Variants in RNPEP observed in about 807,000 individuals in gnomAD.
RNPEP encodes the protein aminopeptidase B.
Under a neutral mutation model 70.1 loss-of-function variants are expected in RNPEP, and 57 were observed. The observed-to-expected ratio is 0.81, with a 90% CI of 0.66 to 1.01. RNPEP has a LOEUF of 1.01. Among genes scored for constraint, RNPEP ranks in the 50% least tolerant of loss-of-function variants. The probability of loss-of-function intolerance (pLI) is 0.00; values close to 1 mark genes in which losing one functional copy is unlikely to be tolerated. For synonymous variants in RNPEP, 335 were observed against 357.4 expected (o/e 0.94, Z 0.71); for missense variants, 787 against 852.4 (o/e 0.92, Z 0.96).
rs1286235298 is a variant in RNPEP, at chr1:201,982,983, A to C, written c.317A>C (p.Glu106Ala). The C allele has an allele frequency of 1.3e-6, 2 of 1,511,906 alleles. No individual in the cohort carries two copies. The highest frequency in any genetic ancestry group is 5.6e-5 in the East Asian group (2 of 35,776). 93.7% of individuals were successfully genotyped at this position (1,511,906 alleles called of 1,614,324 possible). Residue 106 changes from glutamate (E) to alanine (A), a missense_variant, in exon 1 of 11, where the codon GAG becomes GCG. Physicochemically the swap from Glu to Ala is moderately radical, Grantham distance 107. Transcript: ENST00000295640. ...ERPGSEEPPA[E>A]PVSFYTQPFS... is the part of the protein sequence containing the mutation. ...CCCGGCTCGGAGGAGCCGCCTGCGGAGCCCGTGAGCTTCTACACGCAGCCC... is the reference window on the plus strand; with the variant it reads ...CCCGGCTCGGAGGAGCCGCCTGCGGCGCCCGTGAGCTTCTACACGCAGCCC...
rs1683541670 is a variant in RNPEP, at chr1:201,996,186, C to T, written c.777C>T (p.Ala259=). ...CTGAGCCCTGCCTGATTGATGCTGC[C>T]AAGGAGGAGTACAACGGGGTGATAG... is the stretch of plus-strand genomic sequence containing the variant. ...VWAEPCLIDA[A]KEEYNGVIEE... Residue 259 remains alanine, a synonymous_variant, in exon 4 of 11, where the codon GCC becomes GCT. Transcript: ENST00000295640. 6.2e-7 allele frequency: 1 copy of T among 1,614,122 alleles called. No individual in the cohort carries two copies. The highest frequency in any genetic ancestry group is 2.2e-5 in the East Asian group (1 of 44,872).
In RNPEP at chr1:201,987,969, C is replaced by T. The variant is rs140330923; in HGVS notation, c.448-935C>T. On this transcript the variant is annotated intron_variant, in intron 1 of 10. Coordinates refer to ENST00000295640, the MANE Select transcript of RNPEP (RefSeq NM_020216.4). ...CAGCCTGACCAACATGATGAAACCC[C>T]GTCTCTACTAAAAATACAAAATTAG... is the stretch of plus-strand genomic sequence containing the variant. Among the ~76,000 whole-genome samples the T allele has an allele frequency of 5.2e-4, 78 of 149,990 alleles. 1 individual carries two copies. The East Asian group carries it at 8.5e-3, about 16-fold the overall frequency.
At chr1:201,983,934 CTTTTA>C in intron 1 of RNPEP, 1 of 908,446 alleles carries the variant, frequency 1.1e-6, no homozygotes, top group Non-Finnish European at 1.3e-6. Context: ...ACAGTTTAAT[CTTTTA>C]TTTATTTATT....
intron 5 of RNPEP, 89 bp downstream of exon 5, chr1:201,997,643 A>C: frequency 9.9e-7 from 1 of 1,010,878 alleles, no homozygotes; most frequent in Non-Finnish European, 1.5e-6. Flanking sequence ...TTCAGAATAC[A>C]AGTGGGTGTG....
intron 3 of RNPEP, among the ~76,000 whole-genome samples, chr1:201,993,953 C>T (rs1683446143): frequency 6.6e-6 from 1 of 150,992 alleles, no homozygotes. Context: ...GGAATCCAGC[C>T]CCCCACCCTT....
chr1:201,993,615 A>C (rs1451665822), intron 3 of RNPEP, among the ~76,000 whole-genome samples: 7 of 148,870 alleles, frequency 4.7e-5, no homozygotes, highest in Non-Finnish European at 1.0e-4. Context: ...GCCAAAACAA[A>C]AAAAAAAAAC....
At chr1:201,993,774 G>A (rs572043789) in intron 3 of RNPEP, among the ~76,000 whole-genome samples, 23 of 152,202 alleles carry the variant, frequency 1.5e-4, no homozygotes, top group Admixed American at 8.5e-4. Context: ...GCAAGACTCC[G>A]TCTCAACAAA....
chr1:202,003,173 C>A (rs1683901784), intron 8 of RNPEP, 64 bp from the exon 9 acceptor site: 2 of 1,274,226 alleles, frequency 1.6e-6, no homozygotes, highest in African/African-American at 3.0e-5. Flanking sequence ...CTGGGAGTTG[C>A]TTAAACCAGT....
At position 201,989,657 on chromosome 1, in the gene RNPEP, C is replaced by T. The variant is rs568108857; in HGVS notation, c.737+126C>T. On this transcript the variant is annotated intron_variant, in intron 3 of 10. Coordinates refer to ENST00000295640, the MANE Select transcript of RNPEP (RefSeq NM_020216.4). ...TCCTCTGTCTGAGTCCAGAGCCTTT[C>T]TGCAGCTCATGCAGCATGAGCACAG... The T allele has an allele frequency of 1.1e-5, 10 of 939,392 alleles. No homozygotes were observed. In the South Asian group the frequency reaches 1.6e-4, roughly 15 times the overall value. The allele number at this position is 939,392 out of a possible 1,614,324, so 58.2% of individuals were successfully genotyped here. A position where few individuals can be genotyped will look rare whatever the true frequency, so the allele number is the denominator to read the frequency against.
At position 201,999,908 on chromosome 1, in the gene RNPEP, C is replaced by T. The variant is rs149813335; in HGVS notation, c.1097C>T (p.Ala366Val). 30 of 1,613,092 alleles carry T rather than the reference C, an allele frequency of 1.9e-5. No homozygotes were observed. Among genetic ancestry groups the T allele is most frequent in the East Asian group, 4.5e-5 (2 of 44,860 alleles). The change falls in exon 6 of 11, where the codon GCG becomes GTG. Residue 366 changes from alanine to valine, a missense_variant. Ala to Val is a moderately conservative substitution (Grantham distance 64). Transcript: ENST00000295640. ...ACGTTTGATTCTGCACCAGGCGCTG[C>T]GTACACCTGCTTGGAGGCTGCAACG... ...RRISTILFGA[A>V]YTCLEAATGR...
chr1:201,983,249 C>A lies in RNPEP; in HGVS notation c.447+136C>A, dbSNP rs994579828. ...AGAGCGTCCCTAGAGGGGCCTACTC[C>A]CCGCGCGCCGCCTCTAGGCCTCCTC... On this transcript the variant is annotated intron_variant, in intron 1 of 10. Coordinates refer to ENST00000295640, the MANE Select transcript of RNPEP (RefSeq NM_020216.4). The A allele has an allele frequency of 2.1e-6, 3 of 1,432,342 alleles. No homozygotes were observed. The African/African-American group carries it at 4.3e-5, about 21-fold the overall frequency. 88.7% of individuals were successfully genotyped at this position (1,432,342 alleles called of 1,614,324 possible).
intron 3 of RNPEP, among the ~76,000 whole-genome samples, chr1:201,993,725 G>A (rs1251504088): frequency 5.9e-5 from 9 of 152,248 alleles, no homozygotes; most frequent in African/African-American, 2.2e-4. Flanking sequence ...CTTGCAGTGA[G>A]CCGAGATCGC....
intron 7 of RNPEP, 80 bp downstream of exon 7, chr1:202,001,568 G>A (rs1302095717): frequency 7.0e-7 from 1 of 1,435,674 alleles, no homozygotes; most frequent in Non-Finnish European, 9.8e-7. Context: ...GGGGGCGAAA[G>A]ATGTAAGGGG....
intron 3 of RNPEP, among the ~76,000 whole-genome samples, chr1:201,990,951 T>C (rs114204297): frequency 0.039 from 5,907 of 152,296 alleles, 192 homozygotes; most frequent in Admixed American, 0.087. Context: ...CTAAAGATAC[T>C]GAGTGATAAT....
intron 1 of RNPEP, among the ~76,000 whole-genome samples, chr1:201,987,411 A>G (rs912384597): frequency 6.7e-6 from 1 of 149,886 alleles, no homozygotes; most frequent in East Asian, 2.0e-4. Context: ...GTTTTGTGAT[A>G]AATCATTCAG....
In RNPEP at chr1:202,003,609, G is replaced by A. The variant is rs920040805; in HGVS notation, c.1651+148G>A. 32 of 629,598 alleles carry A rather than the reference G, an allele frequency of 5.1e-5. No individual in the cohort carries two copies. The South Asian group carries it at 5.2e-4, about 10-fold the overall frequency. 39.0% of individuals were successfully genotyped at this position (629,598 alleles called of 1,614,324 possible). ...GGCACTCCACAAGGAATGTGCCACC[G>A]GGAGGTTATGGGTTAGGGGACTGCC... On this transcript the variant is annotated intron_variant, in intron 9 of 10. Transcript: ENST00000295640.
chr1:202,000,591 G>C (rs1683755042), intron 6 of RNPEP, among the ~76,000 whole-genome samples: 1 of 152,186 alleles, frequency 6.6e-6, no homozygotes, highest in Non-Finnish European at 1.5e-5. Flanking sequence ...CGGGTAATTA[G>C]TTTTAGCCTG....
chr1:201,984,278 T>C (rs1003262454), intron 1 of RNPEP, among the ~76,000 whole-genome samples: 8 of 152,172 alleles, frequency 5.3e-5, no homozygotes, highest in African/African-American at 1.7e-4. Flanking sequence ...CATCAGTCAG[T>C]ATATGTAAGA....
At chr1:202,003,153 C>T in intron 8 of RNPEP, 84 bp from the exon 9 acceptor site, 1 of 917,710 alleles carries the variant, frequency 1.1e-6, no homozygotes, top group Non-Finnish European at 1.7e-6. Flanking sequence ...AGAGGAGAAA[C>T]TTGAGGTCTC....
Sources: gnomAD v4.1 joint callset for allele counts (sites outside exome capture counted in the v4.1 genomes callset) on GRCh38, gnomAD v4.1.1 for gene constraint, MANE v1.5 for transcripts, NCBI Gene and HGNC (gene_info 2026-07-23, HGNC 2026-07-21) for gene names.